NFIB: variants seen among roughly 807,000 people sequenced by gnomAD.
The protein encoded by NFIB is nuclear factor 1 B-type.
A neutral mutation model predicts 61.5 loss-of-function variants in NFIB; 11 were observed. That is an observed-to-expected ratio of 0.18 (90% CI 0.11 to 0.30). NFIB has a LOEUF of 0.30. NFIB is among the 10% of genes least tolerant of loss of function. The probability of loss-of-function intolerance (pLI) is 1.00; values close to 1 mark genes in which losing one functional copy is unlikely to be tolerated. For missense variants in NFIB, 471 were observed against 608.9 expected (o/e 0.77, Z 2.38); for synonymous variants, 260 against 216.5 (o/e 1.20, Z -1.76).
At chr9:14,295,833 C>A (rs935530183) in intron 2 of NFIB, among the ~76,000 whole-genome samples, 2 of 152,132 alleles carry the variant, frequency 1.3e-5, no homozygotes, top group Admixed American at 6.5e-5. Context: ...TTTACCCACA[C>A]CAAAATTGAG....
Position 14,082,629 on chromosome 9 carries a change from C to A in NFIB, c.*5680G>T, listed in dbSNP as rs537207509. 2 of 206,104 alleles carry A rather than the reference C, an allele frequency of 9.7e-6. No individual in the cohort carries two copies. The highest frequency in any genetic ancestry group is 7.3e-5 in the East Asian group (1 of 13,650). The allele number at this position is 206,104 out of a possible 1,614,324, so 12.8% of individuals were successfully genotyped here. ...CAGAGACTGTGAAATTGAACAGGCA[C>A]TGCTCATTTGTTTGAGTTTTTTGGT... On this transcript the variant is annotated 3_prime_UTR_variant, in exon 11 of 11. Transcript: ENST00000380953.
chr9:14,530,017 G>T, the NFIB span, among the ~76,000 whole-genome samples: 1 of 152,140 alleles, frequency 6.6e-6, no homozygotes, highest in Non-Finnish European at 1.5e-5. Flanking sequence ...TATTAATAGT[G>T]ATTGGCTTAC....
upstream of NFIB, among the ~76,000 whole-genome samples, chr9:14,401,849 T>C (rs1273196897): frequency 6.6e-6 from 1 of 152,178 alleles, no homozygotes; most frequent in Non-Finnish European, 1.5e-5. Context: ...CTAATGTGCT[T>C]CATTTCAATA....
intron 3 of NFIB, among the ~76,000 whole-genome samples, chr9:14,172,639 T>G (rs1001892434): frequency 6.6e-6 from 1 of 152,246 alleles, no homozygotes; most frequent in Admixed American, 6.5e-5. Context: ...ACAATTCTAT[T>G]TCATCATGAG....
At chr9:14,408,577 A>T in the NFIB span, among the ~76,000 whole-genome samples, 103,848 of 152,066 alleles carry the variant, frequency 0.68, 36,117 homozygotes, top group Admixed American at 0.77. Context: ...TACATGATGC[A>T]TCTGTTTATA....
chr9:14,518,182 C>T, the NFIB span, among the ~76,000 whole-genome samples: 2 of 152,196 alleles, frequency 1.3e-5, no homozygotes, highest in Admixed American at 1.3e-4. Flanking sequence ...ATAAGACATT[C>T]GCAACAAGGT....
chr9:14,302,284 T>C (rs2059790182), intron 2 of NFIB, among the ~76,000 whole-genome samples: 1 of 152,196 alleles, frequency 6.6e-6, no homozygotes, highest in Non-Finnish European at 1.5e-5. Context: ...AGGAAGAAAA[T>C]AATTCTTAGC....
chr9:14,472,789 C>T, the NFIB span, among the ~76,000 whole-genome samples: 41 of 151,732 alleles, frequency 2.7e-4, no homozygotes, highest in Non-Finnish European at 5.3e-4. Context: ...TGCAGTGAGC[C>T]GAGATCGAGC....
intron 3 of NFIB, among the ~76,000 whole-genome samples, chr9:14,160,664 T>G (rs2044059842): frequency 6.6e-6 from 1 of 151,988 alleles, no homozygotes; most frequent in Admixed American, 6.6e-5. Flanking sequence ...GTGATGACCT[T>G]CACAAGCAGG....
At chr9:14,090,276 CTT>C (rs1420936456) in intron 10 of NFIB, among the ~76,000 whole-genome samples, 1 of 152,108 alleles carries the variant, frequency 6.6e-6, no homozygotes, top group Non-Finnish European at 1.5e-5. Flanking sequence ...AATCGTAACT[CTT>C]AAGAATACTT....
chr9:14,311,801 T>C (rs1283316777), intron 1 of NFIB, among the ~76,000 whole-genome samples: 2 of 152,206 alleles, frequency 1.3e-5, no homozygotes, highest in Admixed American at 1.3e-4. Context: ...CAGGTGAGAA[T>C]AAGTGATGCT....
intron 1 of NFIB, among the ~76,000 whole-genome samples, chr9:14,393,891 G>A (rs993921522): frequency 1.3e-5 from 2 of 152,132 alleles, no homozygotes; most frequent in African/African-American, 4.8e-5. Context: ...ATTAAGGCCA[G>A]TTACAGTATT....
intron 1 of NFIB, among the ~76,000 whole-genome samples, chr9:14,394,679 C>A (rs1296241196): frequency 6.6e-6 from 1 of 152,118 alleles, no homozygotes; most frequent in Non-Finnish European, 1.5e-5. Context: ...AATCATGTCA[C>A]CAATCATGGG....
At chr9:14,140,674 C>A (rs1165657104) in intron 6 of NFIB, among the ~76,000 whole-genome samples, 1 of 152,172 alleles carries the variant, frequency 6.6e-6, no homozygotes, top group East Asian at 1.9e-4. Flanking sequence ...TGCCTCACAC[C>A]TGCAATCCCA....
At chr9:14,353,853 CTTTT>C (rs59303621) in intron 1 of NFIB, among the ~76,000 whole-genome samples, 10 of 118,740 alleles carry the variant, frequency 8.4e-5, no homozygotes, top group Non-Finnish European at 1.4e-4. Flanking sequence ...GGGGTTTTGT[CTTTT>C]TTTTTTTTTT....
intron 1 of NFIB, among the ~76,000 whole-genome samples, chr9:14,341,715 C>G (rs1325315873): frequency 6.6e-6 from 1 of 152,188 alleles, no homozygotes; most frequent in Admixed American, 6.5e-5. Flanking sequence ...TGTGTTCACT[C>G]TCCCACCAAT....
chr9:14,393,604 A>T (rs1819196), intron 1 of NFIB, among the ~76,000 whole-genome samples: 2,177 of 152,276 alleles, frequency 0.014, 50 homozygotes, highest in African/African-American at 0.049. Context: ...ACTCCCAGTA[A>T]ACATTTATTG....
At chr9:14,513,401 G>T in the NFIB span, among the ~76,000 whole-genome samples, 1 of 151,894 alleles carries the variant, frequency 6.6e-6, no homozygotes, top group African/African-American at 2.4e-5. Flanking sequence ...AGGCTGAGGC[G>T]GGCAGATCAC....
At chr9:14,390,253 C>T (rs1214182462) in intron 1 of NFIB, among the ~76,000 whole-genome samples, 1 of 152,096 alleles carries the variant, frequency 6.6e-6, no homozygotes, top group Non-Finnish European at 1.5e-5. Flanking sequence ...TAAGGCATGA[C>T]CTTGGGCAGA....
Sources: allele counts gnomAD v4.1 joint callset (sites outside exome capture counted in the v4.1 genomes callset), GRCh38; gene constraint gnomAD v4.1.1; transcripts MANE v1.5; gene names NCBI Gene and HGNC (gene_info 2026-07-23, HGNC 2026-07-21).